The following RHOBTB3 variants were observed in gnomAD, a reference collection of about 807,000 sequenced individuals.
The protein encoded by RHOBTB3 is Rho related BTB domain containing 3, also known as rho-related BTB domain-containing protein 3.
In RHOBTB3, 47 loss-of-function variants were observed where a neutral mutation model predicts 67.2. The observed-to-expected ratio is 0.70, with a 90% CI of 0.55 to 0.89. The LOEUF is 0.89. Ranked by LOEUF, RHOBTB3 falls within the 40% of genes least tolerant of loss-of-function variation. The pLI is 0.00. For synonymous variants in RHOBTB3, 273 were observed against 274.2 expected (o/e 1.00, Z 0.04); for missense variants, 631 against 750.0 (o/e 0.84, Z 1.85).
chr5:95,777,624 T>G (rs1183658227), intron 8 of RHOBTB3, among the ~76,000 whole-genome samples: 4 of 152,226 alleles, frequency 2.6e-5, no homozygotes, highest in African/African-American at 9.6e-5. Context: ...CGCATTATGT[T>G]CCTTCAGCAT....
In RHOBTB3 at chr5:95,790,626, G is replaced by A. The variant is rs116003992; in HGVS notation, c.1720+1768G>A. Among the ~76,000 whole-genome samples, 1,094 of 152,252 alleles carry A rather than the reference G, an allele frequency of 7.2e-3. 14 individuals are homozygous for A. Among genetic ancestry groups the A allele is most frequent in the African/African-American group, 0.025 (1,051 of 41,532 alleles). ...CAGGCTAAGGAGGAAACGATGTGTC[G>A]ATGTTGCCTTCTGTTCCTTTGATGG... On this transcript the variant is annotated intron_variant, in intron 11 of 11. Transcript: ENST00000379982.
chr5:95,740,764 T>G (rs140167894), intron 3 of RHOBTB3, among the ~76,000 whole-genome samples: 1 of 152,354 alleles, frequency 6.6e-6, no homozygotes, highest in Admixed American at 6.5e-5. Flanking sequence ...TTGAATTCTT[T>G]GAGAACTTTC....
At chr5:95,738,188 T>C (rs995070596) in intron 3 of RHOBTB3, among the ~76,000 whole-genome samples, 5 of 152,144 alleles carry the variant, frequency 3.3e-5, no homozygotes, top group Non-Finnish European at 7.4e-5. Context: ...GGTATATATA[T>C]AGCATTAGTA....
In RHOBTB3 at chr5:95,731,346, G is replaced by A; in HGVS notation, c.-337G>A. ...AGCAGCGGCAGCGGCAGCAGGAGGC[G>A]ACAGCTGCCAGCCGAGGAGGCGCGG... On this transcript the variant is annotated 5_prime_UTR_variant, in exon 1 of 12. Coordinates refer to ENST00000379982, the MANE Select transcript of RHOBTB3 (RefSeq NM_014899.4). 8.9e-7 allele frequency: 1 copy of A among 1,118,634 alleles called. No individual in the cohort carries two copies. Among genetic ancestry groups the A allele is most frequent in the Non-Finnish European group, 1.1e-6 (1 of 918,732 alleles). The allele number at this position is 1,118,634 out of a possible 1,614,324, so 69.3% of individuals were successfully genotyped here. A position where few individuals can be genotyped will look rare whatever the true frequency, so the allele number is the denominator to read the frequency against.
At chr5:95,777,091 T>C (rs1416143229) in intron 8 of RHOBTB3, among the ~76,000 whole-genome samples, 1 of 152,168 alleles carries the variant, frequency 6.6e-6, no homozygotes, top group Non-Finnish European at 1.5e-5. Context: ...TAAAAAAAAA[T>C]TACTATAGCA....
chr5:95,775,029 A>G lies in RHOBTB3; in HGVS notation c.1283-5223A>G, dbSNP rs115902671. 2.9e-3 allele frequency among the ~76,000 whole-genome samples: 441 copies of G among 152,308 alleles called. 1 individual carries two copies. The highest frequency in any genetic ancestry group is 9.5e-3 in the African/African-American group (393 of 41,560). ...CCTACTTGCCACATGATGGTAGAGC[A>G]GAGATTTGCACTTTAACTCAAAGGC... is the stretch of plus-strand genomic sequence containing the variant. On this transcript the variant is annotated intron_variant, in intron 8 of 11. Coordinates refer to ENST00000379982, the MANE Select transcript of RHOBTB3 (RefSeq NM_014899.4).
intron 6 of RHOBTB3, among the ~76,000 whole-genome samples, chr5:95,759,821 G>C (rs569888986): frequency 1.3e-5 from 2 of 152,250 alleles, no homozygotes; most frequent in East Asian, 3.9e-4. Flanking sequence ...GACAGGAGTT[G>C]TTTGTTTGTG....
intron 11 of RHOBTB3, among the ~76,000 whole-genome samples, chr5:95,790,287 T>A (rs1460478011): frequency 6.6e-6 from 1 of 152,226 alleles, no homozygotes; most frequent in Non-Finnish European, 1.5e-5. Flanking sequence ...CTATAGTTAT[T>A]TAAGTAGCTG....
chr5:95,769,135 G>A (rs1046227948), intron 8 of RHOBTB3: 11 of 365,716 alleles, frequency 3.0e-5, no homozygotes, highest in African/African-American at 1.3e-4. Flanking sequence ...CCTTTTAGCC[G>A]ATGCCGTAGC....
chr5:95,755,420 A>G lies in RHOBTB3; in HGVS notation c.707A>G (p.Glu236Gly). 1 of 1,578,636 alleles carries G rather than the reference A, an allele frequency of 6.3e-7. No individual in the cohort carries two copies. Among genetic ancestry groups the G allele is most frequent in the Non-Finnish European group, 8.6e-7 (1 of 1,164,258 alleles). ...QPEKMPVLKA[E>G]ASHYNSDLNN... ...GAAAAAATGCCTGTCTTAAAGGCTG[A>G]AGCGTCACATTATAACTCTGACTTA... is the stretch of plus-strand genomic sequence containing the variant. The change falls in exon 6 of 12, where the codon GAA (glutamate) becomes GGA (glycine). Residue 236 changes from glutamate to glycine, a missense_variant. Physicochemically the swap from Glu to Gly is moderately conservative, Grantham distance 98 (BLOSUM62 -2). Transcript: ENST00000379982.
chr5:95,788,684 T>C (rs1017615157), intron 10 of RHOBTB3, 78 bp from the exon 11 acceptor site: 64 of 939,706 alleles, frequency 6.8e-5, no homozygotes, highest in Non-Finnish European at 8.5e-5. Context: ...CCGTGATTGC[T>C]CCCAGGCCGT....
upstream of RHOBTB3, chr5:95,730,891 G>A (rs1257298390): frequency 1.3e-5 from 6 of 456,106 alleles, no homozygotes; most frequent in South Asian, 9.3e-5. Flanking sequence ...GAAAGCGGCA[G>A]ACGTGGTAAA....
chr5:95,773,795 A>G (rs763842897), intron 8 of RHOBTB3, among the ~76,000 whole-genome samples: 1 of 152,172 alleles, frequency 6.6e-6, no homozygotes, highest in African/African-American at 2.4e-5. Context: ...ACTGAATGAA[A>G]TGGAGCGTGT....
chr5:95,718,284 GAGA>G (rs905602123), intron 1 of RHOBTB3, among the ~76,000 whole-genome samples: 2 of 152,172 alleles, frequency 1.3e-5, no homozygotes, highest in African/African-American at 4.8e-5. Flanking sequence ...GAAGACAGGG[GAGA>G]AGAAAGGGGA....
chr5:95,719,648 T>C (rs1162124893), intron 1 of RHOBTB3: 1 of 152,238 alleles, frequency 6.6e-6, no homozygotes, highest in Non-Finnish European at 1.5e-5. Context: ...GCATACCTGT[T>C]CAGAGAGTTA....
intron 10 of RHOBTB3, 110 bp downstream of exon 10, chr5:95,784,073 G>T: frequency 1.1e-6 from 1 of 920,686 alleles, no homozygotes; most frequent in Non-Finnish European, 1.5e-6. Context: ...GTCTTAGTTT[G>T]GAAGTTTGGC....
chr5:95,743,822 C>T (rs556452001), intron 3 of RHOBTB3, among the ~76,000 whole-genome samples: 21 of 151,356 alleles, frequency 1.4e-4, no homozygotes, highest in African/African-American at 4.6e-4. Context: ...GATTCTCCTG[C>T]CTCAGCCTCC....
chr5:95,791,098 C>G (rs199652964), intron 11 of RHOBTB3, among the ~76,000 whole-genome samples: 1 of 152,170 alleles, frequency 6.6e-6, no homozygotes, highest in African/African-American at 2.4e-5. Flanking sequence ...CACTCTACAG[C>G]TTCCTTATAG....
At chr5:95,772,498 A>G (rs1745746280) in intron 8 of RHOBTB3, among the ~76,000 whole-genome samples, 1 of 151,554 alleles carries the variant, frequency 6.6e-6, no homozygotes, top group African/African-American at 2.4e-5. Context: ...CTTTTTTTTT[A>G]ACCTAGGTCC....
Sources: allele counts gnomAD v4.1 joint callset (sites outside exome capture counted in the v4.1 genomes callset), GRCh38; gene constraint gnomAD v4.1.1; transcripts MANE v1.5; gene names NCBI Gene and HGNC (gene_info 2026-07-23, HGNC 2026-07-21).